The following PRR12 variants were observed in gnomAD, a reference collection of about 807,000 sequenced individuals.
The protein encoded by PRR12 is proline rich 12.
A neutral mutation model predicts 138.0 loss-of-function variants in PRR12; 12 were observed. The ratio of observed to expected loss-of-function variants is 0.09; its 90% CI spans 0.06 to 0.14. The LOEUF is 0.14. Ranked by LOEUF, PRR12 falls within the 10% of genes least tolerant of loss-of-function variation. PRR12 has a pLI of 1.00. For missense variants in PRR12, 2,692 were observed against 2,861.3 expected (o/e 0.94, Z 1.35); for synonymous variants, 1,567 against 1,291.7 (o/e 1.21, Z -4.57).
At chr19:49,610,179 C>T (rs1202387673) in intron 6 of PRR12, among the ~76,000 whole-genome samples, 4 of 151,858 alleles carry the variant, frequency 2.6e-5, no homozygotes, top group Admixed American at 6.6e-5. Flanking sequence ...TTCACCATGT[C>T]GGCCAGGCTG....
chr19:49,607,118 C>T (rs1364929274), intron 6 of PRR12, among the ~76,000 whole-genome samples: 1 of 151,294 alleles, frequency 6.6e-6, no homozygotes, highest in Non-Finnish European at 1.5e-5. Context: ...ACATTGTGAG[C>T]CCCCGCCTTT....
At position 49,596,609 on chromosome 19, in the gene PRR12, C is replaced by A. The variant is rs760210489; in HGVS notation, c.2274C>A (p.Ala758=). 4 of 1,593,910 alleles carry A rather than the reference C, an allele frequency of 2.5e-6. No homozygotes were observed. The highest frequency in any genetic ancestry group is 2.2e-5 in the East Asian group (1 of 44,684). Residue 758 remains alanine, a synonymous_variant, in exon 4 of 14, where the codon GCC becomes GCA. Transcript: ENST00000418929. This position sits in a 1 kb window ranked among gnomAD's most constrained non-coding sequence, Gnocchi z 5.6. ...GGGCAGGCGCCAAGGAGCTGGGGGCCTTCTTGCAAAAGAGCCCTCCGCCCC... is the reference window on the plus strand; with the variant it reads ...GGGCAGGCGCCAAGGAGCTGGGGGCATTCTTGCAAAAGAGCCCTCCGCCCC... The part of the protein sequence containing the change: ...HYGAGAKELG[A]FLQKSPPPPP...
At chr19:49,598,920 A>G (rs1006299519) in intron 4 of PRR12, among the ~76,000 whole-genome samples, 3 of 152,126 alleles carry the variant, frequency 2.0e-5, no homozygotes, top group African/African-American at 7.2e-5. Flanking sequence ...TCAGTCTCCC[A>G]AGGTGCTGGG....
At chr19:49,592,869 C>T (rs1025615212) in intron 1 of PRR12, among the ~76,000 whole-genome samples, 1 of 152,108 alleles carries the variant, frequency 6.6e-6, no homozygotes, top group Non-Finnish European at 1.5e-5. Context: ...TGCACCACCC[C>T]ATGAAGTTCA....
chr19:49,622,920 T>TAC (rs1441353920), intron 11 of PRR12, among the ~76,000 whole-genome samples: 1,073 of 85,184 alleles, frequency 0.013, 15 homozygotes, highest in Non-Finnish European at 0.02. Flanking sequence ...TATATATATA[T>TAC]ATATATATAG....
rs776842771 is a variant in PRR12 at position 49,624,954 on chromosome 19, G to A, written c.5832G>A (p.Thr1944=). Residue 1944 remains threonine (T), a synonymous_variant, in exon 12 of 14, where the codon ACG becomes ACA. Transcript: ENST00000418929. ...CTGGGGAACCCTACAACCGCAAGAC[G>A]CTCAGCAAGCTCAAGAGGAGCGTGG... ...RPAGEPYNRK[T]LSKLKRSVVR... The A allele has an allele frequency of 1.1e-5, 18 of 1,595,172 alleles. No individual in the cohort carries two copies. The highest frequency in any genetic ancestry group is 3.4e-5 in the South Asian group (3 of 88,388).
chr19:49,607,722 AAAAG>A (rs1049904605), intron 6 of PRR12, among the ~76,000 whole-genome samples: 18 of 148,580 alleles, frequency 1.2e-4, no homozygotes, highest in Non-Finnish European at 2.5e-4. Flanking sequence ...AGAAAAAAAA[AAAAG>A]AAAAGCTGTT....
chr19:49,600,693 C>T (rs568288885), intron 5 of PRR12, among the ~76,000 whole-genome samples: 1 of 151,554 alleles, frequency 6.6e-6, no homozygotes, highest in Non-Finnish European at 1.5e-5. Context: ...GACCCTATAA[C>T]GTTCTTTTTT....
chr19:49,598,190 C>T (rs2080788584), intron 4 of PRR12, among the ~76,000 whole-genome samples, 177 bp downstream of exon 4: 1 of 151,990 alleles, frequency 6.6e-6, no homozygotes, highest in Non-Finnish European at 1.5e-5. Flanking sequence ...TCTCCTGCCT[C>T]AGCCTCCCGA....
Position 49,595,928 on chromosome 19 carries a change from C to A in PRR12, c.1593C>A (p.Leu531=). 6.2e-7 allele frequency: 1 copy of A among 1,601,978 alleles called. No homozygotes were observed. Among genetic ancestry groups the A allele is most frequent in the Middle Eastern group, 1.7e-4 (1 of 6,060 alleles). Reference sequence around the variant, plus strand: ...GGCTGCCCACAGCCAGCCCCTCGCTCAGCTACAGTACCGGCCATTCCCCAG... The same window carrying A: ...GGCTGCCCACAGCCAGCCCCTCGCTAAGCTACAGTACCGGCCATTCCCCAG... The part of the protein sequence containing the change: ...SQGLPTASPS[L]SYSTGHSPAL... The change falls in exon 4 of 14, where the codon CTC becomes CTA. Residue 531 remains leucine, a synonymous_variant. Coordinates refer to ENST00000418929, the MANE Select transcript of PRR12 (RefSeq NM_020719.3).
At chr19:49,600,643 AC>A (rs1006151983) in intron 5 of PRR12, among the ~76,000 whole-genome samples, 1 of 151,594 alleles carries the variant, frequency 6.6e-6, no homozygotes, top group Non-Finnish European at 1.5e-5. Flanking sequence ...ACAGAGCAAG[AC>A]CCTGTCTTAA....
At chr19:49,612,228 C>CA (rs1170293912) in intron 6 of PRR12, among the ~76,000 whole-genome samples, 1,818 of 52,832 alleles carry the variant, frequency 0.034, 43 homozygotes, top group African/African-American at 0.1. Context: ...GACTCTGTCT[C>CA]AAAAAAAAAA....
chr19:49,597,913 C>A lies in PRR12; in HGVS notation c.3578C>A (p.Pro1193His). The change falls in exon 4 of 14, where the codon CCC (proline) becomes CAC (histidine). Residue 1193 changes from proline to histidine, a missense_variant. By Grantham distance (77) the Pro-to-His change is moderately conservative. Around this residue, in one of 11 missense-constraint regions of PRR12, gnomAD observed 326 missense variants for 344.2 expected, o/e 0.95. Coordinates refer to ENST00000418929, the MANE Select transcript of PRR12 (RefSeq NM_020719.3). The surrounding 1 kb of genome is among the most constrained non-coding windows in gnomAD (Gnocchi z 6.3). ...TTAGPASAST[P>H]TDGAKKPRGR... ...GCGGGGCCCGCCTCGGCCTCCACGC[C>A]CACCGATGGCGCCAAGAAACCCCGG... is the stretch of plus-strand genomic sequence containing the variant. 1 of 1,407,750 alleles carries A rather than the reference C, an allele frequency of 7.1e-7. No homozygotes were observed. Among genetic ancestry groups the A allele is most frequent in the Middle Eastern group, 2.4e-4 (1 of 4,198 alleles). The allele number at this position is 1,407,750 out of a possible 1,614,324, so 87.2% of individuals were successfully genotyped here. A position where few individuals can be genotyped will look rare whatever the true frequency, so the allele number is the denominator to read the frequency against.
Position 49,625,405 on chromosome 19 carries a change from TCCCTCCCCAGAGGCCGGTGTGCCA to T in PRR12, c.5965-45_5965-22del, listed in dbSNP as rs1437877869. 2.6e-6 allele frequency: 4 copies of T among 1,520,816 alleles called. No homozygotes were observed. The Admixed American group carries it at 5.9e-5, about 22-fold the overall frequency. The allele number at this position is 1,520,816 out of a possible 1,614,324, so 94.2% of individuals were successfully genotyped here. ...CCCCAGGCCCCATGCCCCAGCCCCT[TCCCTCCCCAGAGGCCGGTGTGCCA>T]CCCTCCCCAGTGCCATGTTTGACCC... On this transcript the variant is annotated intron_variant, in intron 13 of 13. Transcript: ENST00000418929. This position sits in a 1 kb window ranked among gnomAD's most constrained non-coding sequence, Gnocchi z 5.5.
rs183114119 is a variant in PRR12, at chr19:49,592,808, C to A, written c.87-519C>A. ...TCTTATTCCCTCTTCTCTCCACCCCCCAAACCGTTGCCGCTTGGGAACCGA... is the reference window on the plus strand; with the variant it reads ...TCTTATTCCCTCTTCTCTCCACCCCACAAACCGTTGCCGCTTGGGAACCGA... On this transcript the variant is annotated intron_variant, in intron 1 of 13. Transcript: ENST00000418929. 1.8e-4 allele frequency among the ~76,000 whole-genome samples: 28 copies of A among 152,286 alleles called. 1 individual carries two copies. The highest frequency in any genetic ancestry group is 9.2e-4 in the Admixed American group (14 of 15,296).
intron 9 of PRR12, among the ~76,000 whole-genome samples, chr19:49,619,484 C>T (rs980668994): frequency 6.7e-6 from 1 of 148,616 alleles, no homozygotes; most frequent in South Asian, 2.1e-4. Context: ...ATCCACTTGC[C>T]TTGGCCTCCC....
At chr19:49,607,217 G>A (rs1054445364) in intron 6 of PRR12, among the ~76,000 whole-genome samples, 1 of 152,106 alleles carries the variant, frequency 6.6e-6, no homozygotes, top group African/African-American at 2.4e-5. Flanking sequence ...GGCTACATGC[G>A]GTGGCTCACA....
At chr19:49,604,737 C>A (rs535823397) in intron 6 of PRR12, among the ~76,000 whole-genome samples, 24 of 152,258 alleles carry the variant, frequency 1.6e-4, no homozygotes, top group African/African-American at 5.3e-4. Flanking sequence ...CACCATCCAT[C>A]TCCAAGTTTT....
intron 5 of PRR12, 120 bp downstream of exon 5, chr19:49,600,058 C>T (rs778557461): frequency 2.8e-5 from 32 of 1,145,476 alleles, no homozygotes; most frequent in South Asian, 6.7e-5. Flanking sequence ...TGTAAGCTTG[C>T]GTGTTTATGA....
Sources: allele counts gnomAD v4.1 joint callset (sites outside exome capture counted in the v4.1 genomes callset), GRCh38; gene constraint gnomAD v4.1.1; regional missense constraint gnomAD v4.1.1; non-coding constraint Gnocchi (gnomAD v3.1); transcripts MANE v1.5; gene names NCBI Gene and HGNC (gene_info 2026-07-23, HGNC 2026-07-21).